The following FAM117B variants were observed in gnomAD, a reference collection of about 807,000 sequenced individuals.
The protein encoded by FAM117B is protein FAM117B.
In FAM117B, 22 loss-of-function variants were observed where a neutral mutation model predicts 52.8. The observed-to-expected ratio is 0.42, with a 90% CI of 0.30 to 0.59. The LOEUF is 0.59. Ranked by LOEUF, FAM117B falls within the 20% of genes least tolerant of loss-of-function variation. FAM117B has a pLI of 0.22. For synonymous variants in FAM117B, 309 were observed against 324.1 expected, an observed-to-expected ratio of 0.95 and a Z score of 0.50; for missense variants, 678 against 802.6, an observed-to-expected ratio of 0.84 and a Z score of 1.88.
chr2:202,640,130 G>A lies in FAM117B; in HGVS notation c.601+4342G>A, dbSNP rs183395943. 7.2e-3 allele frequency among the ~76,000 whole-genome samples: 1,094 copies of A among 151,164 alleles called. 9 individuals are homozygous for A. The highest frequency in any genetic ancestry group is 0.012 in the Non-Finnish European group (795 of 67,804). ...ACTAAAAATACAAAAAATTAGACAG[G>A]TGTGGTGGCAGGCGCCTATAATCCC... On this transcript the variant is annotated intron_variant, in intron 1 of 7. Transcript: ENST00000392238.
At chr2:202,676,986 C>T (rs1471983956) in intron 1 of FAM117B, among the ~76,000 whole-genome samples, 1 of 151,968 alleles carries the variant, frequency 6.6e-6, no homozygotes, top group African/African-American at 2.4e-5. Flanking sequence ...CTTAGAAGCA[C>T]CCTTACCACT....
At chr2:202,732,371 G>A (rs1172884007) in intron 4 of FAM117B, among the ~76,000 whole-genome samples, 2 of 152,088 alleles carry the variant, frequency 1.3e-5, no homozygotes, top group Non-Finnish European at 2.9e-5. Context: ...GTTAATGGCA[G>A]CATTATTCAT....
At chr2:202,717,582 T>C (rs1691079093) in intron 2 of FAM117B, among the ~76,000 whole-genome samples, 1 of 152,168 alleles carries the variant, frequency 6.6e-6, no homozygotes, top group African/African-American at 2.4e-5. Flanking sequence ...GCCTTGACAA[T>C]GTTGATGAAG....
At chr2:202,652,482 T>A (rs1689972066) in intron 1 of FAM117B, among the ~76,000 whole-genome samples, 2 of 152,178 alleles carry the variant, frequency 1.3e-5, no homozygotes, top group African/African-American at 4.8e-5. Flanking sequence ...GACTTTAGAA[T>A]TTAAGAAAGA....
intron 1 of FAM117B, among the ~76,000 whole-genome samples, chr2:202,675,542 A>G (rs1690365984): frequency 6.8e-6 from 1 of 147,876 alleles, no homozygotes; most frequent in African/African-American, 2.5e-5. Flanking sequence ...AGTACCCCTC[A>G]TTTGTGGTGT....
intron 1 of FAM117B, among the ~76,000 whole-genome samples, chr2:202,672,648 G>A (rs571512759): frequency 6.6e-6 from 1 of 152,194 alleles, no homozygotes; most frequent in African/African-American, 2.4e-5. Context: ...TGACAAATGC[G>A]GTGGAATTTT....
intron 7 of FAM117B, 149 bp from the exon 8 acceptor site, chr2:202,765,297 G>T (rs911834608): frequency 2.7e-6 from 2 of 738,556 alleles, no homozygotes; most frequent in Non-Finnish European, 4.3e-6. Flanking sequence ...GTTTGAAGGT[G>T]GGGGACAGAG....
chr2:202,637,691 C>G (rs189875451), intron 1 of FAM117B, among the ~76,000 whole-genome samples: 37 of 152,172 alleles, frequency 2.4e-4, no homozygotes, highest in African/African-American at 8.9e-4. Flanking sequence ...TCATTTAACC[C>G]TCACTATAGC....
At chr2:202,701,190 A>G (rs746157862) in intron 2 of FAM117B, among the ~76,000 whole-genome samples, 1 of 152,228 alleles carries the variant, frequency 6.6e-6, no homozygotes, top group African/African-American at 2.4e-5. Flanking sequence ...CTTAAGAATT[A>G]TGCTAAATCT....
At chr2:202,654,351 T>G (rs1227594725) in intron 1 of FAM117B, among the ~76,000 whole-genome samples, 1 of 152,094 alleles carries the variant, frequency 6.6e-6, no homozygotes, top group Non-Finnish European at 1.5e-5. Context: ...CTCTATCTGT[T>G]TGGAGGCTCT....
At chr2:202,748,325 C>G (rs543604133) in intron 4 of FAM117B, among the ~76,000 whole-genome samples, 21 of 152,166 alleles carry the variant, frequency 1.4e-4, no homozygotes, top group Middle Eastern at 3.4e-3. Context: ...AACTACAAAA[C>G]TCCTGGAAGA....
chr2:202,765,502 A>G lies in FAM117B; in HGVS notation c.1508A>G (p.Asn503Ser). The G allele has an allele frequency of 6.2e-7, 1 of 1,613,894 alleles. No homozygotes were observed. Among genetic ancestry groups the G allele is most frequent in the Non-Finnish European group, 8.5e-7 (1 of 1,179,998 alleles). The change falls in exon 8 of 8, where the codon AAT (asparagine) becomes AGT (serine). Residue 503 changes from asparagine (N) to serine (S), a missense_variant. Physicochemically the swap from Asn to Ser is conservative, Grantham distance 46. Coordinates refer to ENST00000392238, the MANE Select transcript of FAM117B (RefSeq NM_173511.4). ...TATTGTCCTGACAAAAACAAGGTGA[A>G]TTTCATTCCTAAAAGTGGATCTGCT... ...AFYCPDKNKV[N>S]FIPKSGSAFC...
chr2:202,695,622 T>C (rs1057396071), intron 1 of FAM117B, among the ~76,000 whole-genome samples: 9 of 152,232 alleles, frequency 5.9e-5, no homozygotes, highest in African/African-American at 2.2e-4. Flanking sequence ...TATTAGTTAT[T>C]GTTGTTAATC....
At chr2:202,638,951 A>C (rs929473381) in intron 1 of FAM117B, among the ~76,000 whole-genome samples, 9 of 152,220 alleles carry the variant, frequency 5.9e-5, no homozygotes, top group African/African-American at 1.9e-4. Context: ...AAGTGTTTTC[A>C]GATTTCAGGT....
At chr2:202,668,661 G>T (rs1226667733) in intron 1 of FAM117B, among the ~76,000 whole-genome samples, 2 of 148,186 alleles carry the variant, frequency 1.3e-5, no homozygotes, top group African/African-American at 5.0e-5. Context: ...TAAAATAAAA[G>T]AACATTTTCT....
intron 1 of FAM117B, among the ~76,000 whole-genome samples, chr2:202,667,320 C>T (rs1057292894): frequency 1.3e-5 from 2 of 151,774 alleles, no homozygotes; most frequent in South Asian, 2.1e-4. Flanking sequence ...AGGCTGGTCT[C>T]GAACACCTGA....
intron 2 of FAM117B, among the ~76,000 whole-genome samples, chr2:202,699,860 G>A (rs148450540): frequency 6.6e-6 from 1 of 152,282 alleles, no homozygotes; most frequent in East Asian, 1.9e-4. Flanking sequence ...TTCCAAAAAT[G>A]TGCTCACTTT....
chr2:202,699,977 T>A (rs1439098561), intron 2 of FAM117B, among the ~76,000 whole-genome samples: 1 of 152,212 alleles, frequency 6.6e-6, no homozygotes. Context: ...TTACTGTTAA[T>A]TGTTTTGAGG....
At chr2:202,711,008 G>T (rs969275734) in intron 2 of FAM117B, among the ~76,000 whole-genome samples, 5 of 152,064 alleles carry the variant, frequency 3.3e-5, no homozygotes, top group African/African-American at 1.2e-4. Context: ...GAACAGTTTT[G>T]CACTAAACAT....
Sources: gnomAD v4.1 joint callset for allele counts (sites outside exome capture counted in the v4.1 genomes callset) on GRCh38, gnomAD v4.1.1 for gene constraint, MANE v1.5 for transcripts, NCBI Gene and HGNC (gene_info 2026-07-23, HGNC 2026-07-21) for gene names.